Variants in CLEC16A observed in about 807,000 individuals in gnomAD.
CLEC16A encodes the protein C-type lectin domain containing 16A, also known as protein CLEC16A.
A neutral mutation model predicts 109.5 loss-of-function variants in CLEC16A; 51 were observed. The ratio of observed to expected loss-of-function variants is 0.47; its 90% CI spans 0.37 to 0.59. CLEC16A has a LOEUF of 0.59. Ranked by LOEUF, CLEC16A falls within the 20% of genes least tolerant of loss-of-function variation. CLEC16A has a pLI of 0.00. For missense variants in CLEC16A, 1,339 were observed against 1,394.0 expected, an observed-to-expected ratio of 0.96 and a Z score of 0.63; for synonymous variants, 673 against 564.2, an observed-to-expected ratio of 1.19 and a Z score of -2.73.
intron 22 of CLEC16A, among the ~76,000 whole-genome samples, chr16:11,138,869 C>T (rs931677496): frequency 1.4e-4 from 21 of 152,038 alleles, no homozygotes; most frequent in Admixed American, 1.3e-3. Context: ...ATTTTTTGTC[C>T]TTTAACAAAT....
chr16:11,042,370 C>G lies in CLEC16A; in HGVS notation c.1770+7C>G. On this transcript the variant is annotated splice_region_variant and intron_variant, in intron 15 of 23. Coordinates refer to ENST00000409790, the MANE Select transcript of CLEC16A (RefSeq NM_015226.3). ...GCACCTGGCCTGCCTGGAGGTAACG[C>G]CCTCTCCGCTCCTCCTTCCTGTGGG... 1.3e-6 allele frequency: 2 copies of G among 1,561,274 alleles called. No individual in the cohort carries two copies. The highest frequency in any genetic ancestry group is 1.2e-5 in the South Asian group (1 of 85,150).
chr16:11,174,701 A>G lies in CLEC16A; in HGVS notation c.2807-3634A>G, dbSNP rs1284122980. ...GCTGGCAAAGTGAGAATTTGTAGAA[A>G]GCAACCAAGAAGTCTCCTCATTTCT... is the stretch of plus-strand genomic sequence containing the variant. On this transcript the variant is annotated intron_variant, in intron 23 of 23. Coordinates refer to ENST00000409790, the MANE Select transcript of CLEC16A (RefSeq NM_015226.3). The surrounding 1 kb of genome is among the most constrained non-coding windows in gnomAD (Gnocchi z 4.7). Among the ~76,000 whole-genome samples, 1 of 152,268 alleles carries G rather than the reference A, an allele frequency of 6.6e-6. No individual in the cohort carries two copies. The highest frequency in any genetic ancestry group is 1.5e-5 in the Non-Finnish European group (1 of 68,046).
chr16:11,158,112 C>T (rs548063648), intron 22 of CLEC16A, among the ~76,000 whole-genome samples: 1 of 152,170 alleles, frequency 6.6e-6, no homozygotes, highest in Admixed American at 6.5e-5. Context: ...AGGAAGGAGC[C>T]GACAAGGGGA....
At chr16:11,055,003 T>C (rs2048137357) in intron 18 of CLEC16A, among the ~76,000 whole-genome samples, 1 of 152,092 alleles carries the variant, frequency 6.6e-6, no homozygotes, top group African/African-American at 2.4e-5. Context: ...CTCCATCCTT[T>C]ATTTTCCTTA....
chr16:10,968,776 G>A (rs1567517611), intron 3 of CLEC16A, among the ~76,000 whole-genome samples: 1 of 152,186 alleles, frequency 6.6e-6, no homozygotes. Flanking sequence ...GATGTGATTT[G>A]TGATGGCAGA....
intron 19 of CLEC16A, among the ~76,000 whole-genome samples, chr16:11,065,325 T>G (rs1017363318): frequency 2.0e-5 from 3 of 152,224 alleles, no homozygotes; most frequent in East Asian, 1.9e-4. Flanking sequence ...GTGTCCAGTT[T>G]CCTTGCAGCC....
intron 19 of CLEC16A, among the ~76,000 whole-genome samples, chr16:11,076,904 C>T (rs7184491): frequency 0.83 from 125,722 of 152,120 alleles, 52,183 homozygotes; most frequent in East Asian, 0.93. Flanking sequence ...CACTTCCTCC[C>T]ACCCTCTTGT....
chr16:10,989,212 G>A (rs56231421), intron 10 of CLEC16A, among the ~76,000 whole-genome samples: 49,657 of 136,742 alleles, frequency 0.36, 8,612 homozygotes, highest in South Asian at 0.5. Flanking sequence ...TACTGTTGTC[G>A]TTGTTTTTTG....
chr16:11,129,614 C>A (rs989380541), intron 22 of CLEC16A, among the ~76,000 whole-genome samples: 6 of 152,238 alleles, frequency 3.9e-5, no homozygotes, highest in African/African-American at 1.2e-4. Context: ...TGCCCCAGGG[C>A]CTTGCACTGG....
At chr16:11,065,741 A>G (rs1282740834) in intron 19 of CLEC16A, among the ~76,000 whole-genome samples, 1 of 152,242 alleles carries the variant, frequency 6.6e-6, no homozygotes, top group Non-Finnish European at 1.5e-5. Flanking sequence ...AGGAGGGACC[A>G]GAAGCTTCTA....
intron 13 of CLEC16A, among the ~76,000 whole-genome samples, chr16:11,035,852 C>T (rs1057227963): frequency 1.3e-5 from 2 of 152,116 alleles, no homozygotes; most frequent in Non-Finnish European, 2.9e-5. Flanking sequence ...AATGATAAGG[C>T]CTCCTTCAAA....
intron 22 of CLEC16A, among the ~76,000 whole-genome samples, chr16:11,163,699 A>G (rs1429257883): frequency 6.6e-6 from 1 of 152,188 alleles, no homozygotes; most frequent in Admixed American, 6.5e-5. Flanking sequence ...AGAGGGCAAG[A>G]GAAAAGACGT....
At position 10,962,584 on chromosome 16, in the gene CLEC16A, A is replaced by G. The variant is rs1411345997; in HGVS notation, c.339A>G (p.Ser113=). 5 of 1,613,714 alleles carry G rather than the reference A, an allele frequency of 3.1e-6. No homozygotes were observed. The highest frequency in any genetic ancestry group is 3.4e-6 in the Non-Finnish European group (4 of 1,179,700). Reference sequence around the variant, plus strand: ...TTGAGAACATCAGTCACGAGACCTCACTTTGTAAGGACATTCCTTGGTATT... The same window carrying G: ...TTGAGAACATCAGTCACGAGACCTCGCTTTGTAAGGACATTCCTTGGTATT... ...ILFENISHET[S]LYYLLSNNYV... Residue 113 remains serine, a synonymous_variant, in exon 3 of 24, where the codon TCA becomes TCG. Transcript: ENST00000409790.
At chr16:11,095,128 A>G (rs1232088533) in intron 19 of CLEC16A, among the ~76,000 whole-genome samples, 1 of 150,816 alleles carries the variant, frequency 6.6e-6, no homozygotes, top group African/African-American at 2.4e-5. Context: ...TTTAAATGAC[A>G]TTCTGTTTCA....
intron 22 of CLEC16A, chr16:11,150,099 T>G (rs1219334957): frequency 6.6e-6 from 1 of 152,232 alleles, no homozygotes; most frequent in Admixed American, 6.5e-5. Flanking sequence ...GTTTATGTTT[T>G]CGTTTCTGCA....
At chr16:11,166,709 T>A (rs2153092708) in intron 23 of CLEC16A, among the ~76,000 whole-genome samples, 157 bp downstream of exon 23, 1 of 152,350 alleles carries the variant, frequency 6.6e-6, no homozygotes, top group South Asian at 2.1e-4. Context: ...GAGATTCCTC[T>A]AACTTGATGT....
intron 18 of CLEC16A, among the ~76,000 whole-genome samples, chr16:11,054,921 A>C (rs1403010701): frequency 6.7e-6 from 1 of 149,596 alleles, no homozygotes; most frequent in Admixed American, 6.7e-5. Flanking sequence ...TTGGATTCAA[A>C]GGTTTTCTTT....
At chr16:11,176,593 C>T (rs2068755930) in intron 23 of CLEC16A, among the ~76,000 whole-genome samples, 1 of 152,112 alleles carries the variant, frequency 6.6e-6, no homozygotes, top group Non-Finnish European at 1.5e-5. Flanking sequence ...TAAAAATTAG[C>T]CAGGTGTGGT....
At chr16:11,035,488 T>C (rs781189159) in intron 13 of CLEC16A, among the ~76,000 whole-genome samples, 1 of 149,590 alleles carries the variant, frequency 6.7e-6, no homozygotes, top group Non-Finnish European at 1.5e-5. Context: ...CCAGCGGGGA[T>C]CATGGTACAC....
Sources: gnomAD v4.1 joint callset for allele counts (sites outside exome capture counted in the v4.1 genomes callset) on GRCh38, gnomAD v4.1.1 for gene constraint, Gnocchi (gnomAD v3.1) non-coding constraint, MANE v1.5 for transcripts, NCBI Gene and HGNC (gene_info 2026-07-23, HGNC 2026-07-21) for gene names.